The following SPNS2 variants were observed in gnomAD, a reference collection of about 807,000 sequenced individuals.
SPNS2 encodes sphingosine-1-phosphate transporter SPNS2.
SPNS2 carries 37 observed loss-of-function variants against 57.6 expected under a neutral mutation model. The observed-to-expected ratio is 0.64, with a 90% CI of 0.49 to 0.85. The LOEUF is 0.85. SPNS2 is among the 40% of genes least tolerant of loss of function. The probability of loss-of-function intolerance (pLI) is 0.00; values close to 1 mark genes in which losing one functional copy is unlikely to be tolerated. For synonymous variants in SPNS2, 440 were observed against 346.9 expected, an observed-to-expected ratio of 1.27 and a Z score of -2.98; for missense variants, 831 against 779.1, an observed-to-expected ratio of 1.07 and a Z score of -0.79.
At position 4,531,507 on chromosome 17, in the gene SPNS2, G is replaced by A. The variant is rs147886881; in HGVS notation, c.792+388G>A. On this transcript the variant is annotated intron_variant, in intron 5 of 12. Coordinates refer to ENST00000329078, the MANE Select transcript of SPNS2 (RefSeq NM_001124758.3). ...GCTGGGACAAGACCTCTGTGTGGGGGCCCCAGAGTCTGGAGCCACTTCCGG... is the reference window on the plus strand; with the variant it reads ...GCTGGGACAAGACCTCTGTGTGGGGACCCCAGAGTCTGGAGCCACTTCCGG... Among the ~76,000 whole-genome samples the A allele has an allele frequency of 7.6e-4, 116 of 152,286 alleles. 1 individual carries two copies. The highest frequency in any genetic ancestry group is 5.8e-3 in the East Asian group (30 of 5,178).
At chr17:4,519,507 C>T (rs534521892) in intron 2 of SPNS2, among the ~76,000 whole-genome samples, 3 of 152,156 alleles carry the variant, frequency 2.0e-5, no homozygotes, top group Non-Finnish European at 4.4e-5. Context: ...CCGAGGCAGG[C>T]GGGCTGGTCT....
In SPNS2 at chr17:4,498,895, G is replaced by C. The variant is rs147646464; in HGVS notation, c.-153G>C. ...GCGAACGAGGCGCAGCGAGCTGAGC[G>C]GTGGCAGCGCCGCAGCCGGGGCCGG... is the stretch of plus-strand genomic sequence containing the variant. On this transcript the variant is annotated 5_prime_UTR_variant, in exon 1 of 13. Coordinates refer to ENST00000329078, the MANE Select transcript of SPNS2 (RefSeq NM_001124758.3). 28,277 of 266,012 alleles carry C rather than the reference G, an allele frequency of 0.11. 2,853 individuals carry two copies. The highest frequency in any genetic ancestry group is 0.33 in the African/African-American group (14,219 of 43,092). The allele number at this position is 266,012 out of a possible 1,614,324, so 16.5% of individuals were successfully genotyped here.
chr17:4,534,129 GTGCCAGGCTGGCACTGAGGTGGCGC>G (rs1905642910), intron 9 of SPNS2, among the ~76,000 whole-genome samples: 1 of 152,210 alleles, frequency 6.6e-6, no homozygotes, highest in African/African-American at 2.4e-5. Flanking sequence ...GAGGCTGGCG[GTGCCAGGCTGGCACTGAGGTGGCGC>G]TGCCTGCCCG....
At chr17:4,523,144 T>G (rs1390158286) in intron 2 of SPNS2, among the ~76,000 whole-genome samples, 2 of 152,240 alleles carry the variant, frequency 1.3e-5, no homozygotes, top group African/African-American at 2.4e-5. Context: ...ACCGCTCAAT[T>G]TAAAATTGTG....
chr17:4,537,654 GA>G lies in SPNS2; in HGVS notation c.*207del. 2.2e-6 allele frequency: 1 copy of G among 456,780 alleles called. No homozygotes were observed. The highest frequency in any genetic ancestry group is 4.4e-6 in the Non-Finnish European group (1 of 226,970). 28.3% of individuals were successfully genotyped at this position (456,780 alleles called of 1,614,324 possible). Reference sequence around the variant, plus strand: ...TTACCCTGGAAGGATGTGTGTGTTGGAGCCACACGGTTGGACAGGTTCCCAG... The same window carrying G: ...TTACCCTGGAAGGATGTGTGTGTTGGGCCACACGGTTGGACAGGTTCCCAG... On this transcript the variant is annotated 3_prime_UTR_variant, in exon 13 of 13. Transcript: ENST00000329078.
At chr17:4,502,102 G>C (rs377260258) in intron 1 of SPNS2, among the ~76,000 whole-genome samples, 3 of 152,110 alleles carry the variant, frequency 2.0e-5, no homozygotes, top group Non-Finnish European at 4.4e-5. Flanking sequence ...AGGGCTGGGC[G>C]CGGTGGCTCA....
chr17:4,536,330 C>T lies in SPNS2; in HGVS notation c.1511C>T (p.Ala504Val), dbSNP rs746286008. The T allele has an allele frequency of 6.2e-6, 10 of 1,611,878 alleles. No individual in the cohort carries two copies. Among genetic ancestry groups the T allele is most frequent in the Admixed American group, 3.3e-5 (2 of 60,000 alleles). ...TGGGAGTTCCTGAGCCTGGGCTACG[C>T]GCTCATGCTCTGCCCTTTCGTCGTG... ...PLWEFLSLGY[A>V]LMLCPFVVVL... Residue 504 changes from alanine to valine, a missense_variant, in exon 11 of 13, where the codon GCG becomes GTG. Physicochemically the swap from Ala to Val is moderately conservative, Grantham distance 64 (BLOSUM62 0). Transcript: ENST00000329078.
chr17:4,538,137 CA>C lies in SPNS2; in HGVS notation c.*690del. The C allele has an allele frequency of 3.4e-6, 1 of 297,478 alleles. No homozygotes were observed. Among genetic ancestry groups the C allele is most frequent in the South Asian group, 3.2e-5 (1 of 31,276 alleles). 18.4% of individuals were successfully genotyped at this position (297,478 alleles called of 1,614,324 possible). A position where few individuals can be genotyped will look rare whatever the true frequency, so the allele number is the denominator to read the frequency against. ...GACTGTTCTGACAAGCTGGCATCAC[CA>C]GGGGTGAAGGCCCTGGCTGCAGCTG... On this transcript the variant is annotated 3_prime_UTR_variant, in exon 13 of 13. Coordinates refer to ENST00000329078, the MANE Select transcript of SPNS2 (RefSeq NM_001124758.3).
chr17:4,502,399 T>TAC (rs1222816028), intron 1 of SPNS2, among the ~76,000 whole-genome samples: 14 of 150,842 alleles, frequency 9.3e-5, no homozygotes, highest in South Asian at 6.3e-4. Flanking sequence ...AAAAAAATTA[T>TAC]ACACACACAC....
In SPNS2 at chr17:4,499,378, G is replaced by A; in HGVS notation, c.331G>A (p.Gly111Ser). 1 of 1,404,442 alleles carries A rather than the reference G, an allele frequency of 7.1e-7. No homozygotes were observed. Among genetic ancestry groups the A allele is most frequent in the Non-Finnish European group, 9.2e-7 (1 of 1,082,052 alleles). 87.0% of individuals were successfully genotyped at this position (1,404,442 alleles called of 1,614,324 possible). The change falls in exon 1 of 13, where the codon GGC (glycine) becomes AGC (serine). Residue 111 changes from glycine (G) to serine (S), a missense_variant. Physicochemically the swap from Gly to Ser is moderately conservative, Grantham distance 56. This residue lies in a region of SPNS2 where 305 missense variants were observed against 378.3 expected (regional missense o/e 0.81). Transcript: ENST00000329078. This position sits in a 1 kb window ranked among gnomAD's most constrained non-coding sequence, Gnocchi z 5.2. ...RGAAAAILSL[G>S]NVLNYLDRYT... is the part of the protein sequence containing the mutation. ...GGCAGCCGCCGCCATCCTCAGCTTG[G>A]GCAACGTGCTCAACTACCTGGACAG... is the stretch of plus-strand genomic sequence containing the variant.
intron 12 of SPNS2, 130 bp downstream of exon 12, chr17:4,537,076 C>A: frequency 9.7e-7 from 1 of 1,033,936 alleles, no homozygotes; most frequent in Non-Finnish European, 1.4e-6. Flanking sequence ...TGGGCTTTGT[C>A]TCTGAAGATG....
At position 4,537,461 on chromosome 17, in the gene SPNS2, G is replaced by T; in HGVS notation, c.*13G>T. On this transcript the variant is annotated 3_prime_UTR_variant, in exon 13 of 13. Transcript: ENST00000329078. ...GACACCCCTTTCCCCAGGTGCCATT[G>T]GGACAATGAAGAACCCACACTCCCA... 1 of 452,640 alleles carries T rather than the reference G, an allele frequency of 2.2e-6. No homozygotes were observed. Among genetic ancestry groups the T allele is most frequent in the South Asian group, 1.6e-5 (1 of 64,440 alleles). The allele number at this position is 452,640 out of a possible 1,614,324, so 28.0% of individuals were successfully genotyped here. A position where few individuals can be genotyped will look rare whatever the true frequency, so the allele number is the denominator to read the frequency against.
At chr17:4,514,793 C>T (rs958483498) in intron 2 of SPNS2, among the ~76,000 whole-genome samples, 1 of 152,234 alleles carries the variant, frequency 6.6e-6, no homozygotes, top group Non-Finnish European at 1.5e-5. Context: ...ACCAGCACTG[C>T]AGCTGGGAAA....
intron 1 of SPNS2, among the ~76,000 whole-genome samples, chr17:4,503,302 T>C (rs147631319): frequency 7.9e-5 from 12 of 152,278 alleles, no homozygotes; most frequent in African/African-American, 2.6e-4. Context: ...TTTGGGTAGA[T>C]GAATTTCAGT....
In SPNS2 at chr17:4,509,076, C is replaced by T. The variant is rs572886078; in HGVS notation, c.371-4171C>T. 3.1e-3 allele frequency among the ~76,000 whole-genome samples: 468 copies of T among 152,258 alleles called. 1 individual carries two copies. Among genetic ancestry groups the T allele is most frequent in the Non-Finnish European group, 5.3e-3 (363 of 68,004 alleles). On this transcript the variant is annotated intron_variant, in intron 1 of 12. Transcript: ENST00000329078. ...GGCCCATTCATGAGGTGGAGGGAGCCAAAGGGGTATCCTGGCTGACTCCCA... is the reference window on the plus strand; with the variant it reads ...GGCCCATTCATGAGGTGGAGGGAGCTAAAGGGGTATCCTGGCTGACTCCCA...
chr17:4,536,220 G>T lies in SPNS2; in HGVS notation c.1444-43G>T, dbSNP rs9908450. On this transcript the variant is annotated intron_variant, in intron 10 of 12. Transcript: ENST00000329078. ...GCTGGCCAGGGCAGGCTGGGGGACT[G>T]CAGGAGGGCTCTGCCCTGACATCCA... The T allele has an allele frequency of 0.31, 494,280 of 1,607,414 alleles. 78,499 individuals are homozygous for T. Among genetic ancestry groups the T allele is most frequent in the East Asian group, 0.49 (21,716 of 44,716 alleles).
At chr17:4,503,278 T>C (rs999604454) in intron 1 of SPNS2, among the ~76,000 whole-genome samples, 3 of 152,212 alleles carry the variant, frequency 2.0e-5, no homozygotes, top group Non-Finnish European at 4.4e-5. Flanking sequence ...CTCTGCTGGC[T>C]TAGGCAAGAG....
intron 3 of SPNS2, among the ~76,000 whole-genome samples, chr17:4,527,592 G>A (rs1255417016): frequency 2.0e-5 from 3 of 152,242 alleles, no homozygotes. Flanking sequence ...GATAGCTACA[G>A]ACAGTTTCAG....
rs760328721 is a variant in SPNS2, at chr17:4,530,588, C to T, written c.574-44C>T. ...GTGGGAACAAGGGATGACAGGCAGA[C>T]GGTGGGTAGTCGGTCCCCCAGCATC... On this transcript the variant is annotated intron_variant, in intron 3 of 12. Coordinates refer to ENST00000329078, the MANE Select transcript of SPNS2 (RefSeq NM_001124758.3). 4.9e-5 allele frequency: 78 copies of T among 1,582,646 alleles called. No homozygotes were observed. The Admixed American group carries it at 5.7e-4, about 12-fold the overall frequency.
Sources: gnomAD v4.1 joint callset for allele counts (sites outside exome capture counted in the v4.1 genomes callset) on GRCh38, gnomAD v4.1.1 for gene constraint, gnomAD v4.1.1 regional missense constraint, Gnocchi (gnomAD v3.1) non-coding constraint, MANE v1.5 for transcripts, NCBI Gene and HGNC (gene_info 2026-07-23, HGNC 2026-07-21) for gene names.